PCDHA9: variants seen among roughly 807,000 people sequenced by gnomAD.
PCDHA9 encodes the protein protocadherin alpha-9.
In PCDHA9, 62 loss-of-function variants were observed where a neutral mutation model predicts 62.0. The ratio of observed to expected loss-of-function variants is 1.00; its 90% CI spans 0.81 to 1.23. The LOEUF (loss-of-function observed/expected upper bound fraction) is 1.23. PCDHA9 is among the 50% of genes most tolerant of loss of function. The probability of loss-of-function intolerance (pLI) is 0.00; values close to 1 mark genes in which losing one functional copy is unlikely to be tolerated. For synonymous variants in PCDHA9, 557 were observed against 567.6 expected, an observed-to-expected ratio of 0.98 and a Z score of 0.27; for missense variants, 1,205 against 1,249.8, an observed-to-expected ratio of 0.96 and a Z score of 0.54.
chr5:140,905,152 G>T (rs2071629879), intron 1 of PCDHA9, among the ~76,000 whole-genome samples: 1 of 152,154 alleles, frequency 6.6e-6, no homozygotes. Context: ...TTATATTTTA[G>T]AATTTTCATG....
chr5:140,903,647 T>A (rs1583499959), intron 1 of PCDHA9, among the ~76,000 whole-genome samples: 1 of 152,228 alleles, frequency 6.6e-6, no homozygotes, highest in East Asian at 1.9e-4. Flanking sequence ...ACCATATACA[T>A]ATATTATAAA....
Position 140,883,404 on chromosome 5 carries a change from C to G in PCDHA9, c.2394+32515C>G, listed in dbSNP as rs199942713. On this transcript the variant is annotated intron_variant, in intron 1 of 3. Transcript: ENST00000532602. ...CTAATCAGTGTGTCCGATCGTGACT[C>G]TGGCTCAAATGGACAGGTCACCTGC... 3 of 1,614,104 alleles carry G rather than the reference C, an allele frequency of 1.9e-6. No homozygotes were observed. The African/African-American group carries it at 4.0e-5, about 22-fold the overall frequency.
At chr5:140,927,564 G>T (rs868927450) in intron 1 of PCDHA9, 1 of 1,614,150 alleles carries the variant, frequency 6.2e-7, no homozygotes. Context: ...TCATTGTGGT[G>T]GACACAAATG....
intron 1 of PCDHA9, among the ~76,000 whole-genome samples, chr5:140,873,139 A>G (rs1325307438): frequency 6.6e-6 from 1 of 152,216 alleles, no homozygotes; most frequent in Non-Finnish European, 1.5e-5. Context: ...TCTATGCTGA[A>G]GCCTATTCAT....
chr5:140,971,123 G>A (rs1305525231), intron 1 of PCDHA9, among the ~76,000 whole-genome samples: 1 of 152,182 alleles, frequency 6.6e-6, no homozygotes, highest in Non-Finnish European at 1.5e-5. Context: ...GTGGGCTACA[G>A]GTGGTGAAGA....
chr5:140,902,203 CTTTTTTT>C (rs148688132), intron 1 of PCDHA9, among the ~76,000 whole-genome samples: 3 of 124,458 alleles, frequency 2.4e-5, no homozygotes, highest in African/African-American at 3.1e-5. Flanking sequence ...CTCTCTCTTT[CTTTTTTT>C]TTTTTTTTTT....
At chr5:140,907,480 CA>C (rs1384591200) in intron 1 of PCDHA9, among the ~76,000 whole-genome samples, 2 of 152,212 alleles carry the variant, frequency 1.3e-5, no homozygotes, top group African/African-American at 4.8e-5. Context: ...GCAGGATAGG[CA>C]AACCCATATC....
In PCDHA9 at chr5:140,848,386, TC is replaced by T; in HGVS notation, c.-109del. On this transcript the variant is annotated 5_prime_UTR_variant, in exon 1 of 4. Coordinates refer to ENST00000532602, the MANE Select transcript of PCDHA9 (RefSeq NM_031857.2). ...AAAGAGGCTCAATTCTTTTTCACTC[TC>T]TCTGTGCTGAACGATGGCGAACACA... is the stretch of plus-strand genomic sequence containing the variant. 1 of 1,217,430 alleles carries T rather than the reference TC, an allele frequency of 8.2e-7. No individual in the cohort carries two copies. Among genetic ancestry groups the T allele is most frequent in the Non-Finnish European group, 1.2e-6 (1 of 861,788 alleles). 75.4% of individuals were successfully genotyped at this position (1,217,430 alleles called of 1,614,324 possible). A position where few individuals can be genotyped will look rare whatever the true frequency, so the allele number is the denominator to read the frequency against.
At chr5:140,977,589 G>A (rs567353301) in intron 1 of PCDHA9, among the ~76,000 whole-genome samples, 15 of 152,274 alleles carry the variant, frequency 9.9e-5, no homozygotes, top group Admixed American at 2.6e-4. Flanking sequence ...AGAGCAGTTA[G>A]CATGTGAGGA....
At chr5:140,868,805 C>A in intron 1 of PCDHA9, 2 of 356,420 alleles carry the variant, frequency 5.6e-6, no homozygotes, top group Non-Finnish European at 5.0e-6. Context: ...TAAATAAGCA[C>A]GTTGGAAATA....
At chr5:140,882,129 T>C (rs2153382855) in intron 1 of PCDHA9, 5 of 1,473,110 alleles carry the variant, frequency 3.4e-6, no homozygotes, top group Non-Finnish European at 2.7e-6. Context: ...TCTTTCTTCC[T>C]GCAGAAAATA....
At chr5:140,950,872 T>C (rs782492363) in intron 1 of PCDHA9, among the ~76,000 whole-genome samples, 14 of 152,210 alleles carry the variant, frequency 9.2e-5, no homozygotes, top group Middle Eastern at 3.4e-3. Context: ...ATATTCTATA[T>C]TGTTCAATAG....
rs2150415241 is a variant in PCDHA9, at chr5:140,848,620, G to T, written c.125G>T (p.Gly42Val). ...TCCGTCCCGGAGGAAGCCGAACACG[G>T]CACCTTCGTGGGCCGCATCGCGCAG... Reference protein sequence around the residue: ...HYSVPEEAEHGTFVGRIAQDL... With the variant: ...HYSVPEEAEHVTFVGRIAQDL... Residue 42 changes from glycine (G) to valine (V), a missense_variant, in exon 1 of 4, where the codon GGC (glycine) becomes GTC (valine). By Grantham distance (109) the Gly-to-Val change is moderately radical. This residue lies in a region of PCDHA9 where 208 missense variants were observed against 213.2 expected (regional missense o/e 0.98). Transcript: ENST00000532602. The T allele has an allele frequency of 6.3e-7, 1 of 1,593,518 alleles. No homozygotes were observed. The highest frequency in any genetic ancestry group is 8.6e-7 in the Non-Finnish European group (1 of 1,163,958).
intron 1 of PCDHA9, among the ~76,000 whole-genome samples, chr5:140,938,996 A>C (rs1212565184): frequency 2.6e-5 from 4 of 152,206 alleles, no homozygotes; most frequent in Non-Finnish European, 4.4e-5. Context: ...TTATATAGTA[A>C]GTTAAGAAGT....
intron 3 of PCDHA9, among the ~76,000 whole-genome samples, chr5:140,990,384 T>A (rs2097391380): frequency 6.6e-6 from 1 of 152,186 alleles, no homozygotes; most frequent in Non-Finnish European, 1.5e-5. Context: ...TTGTTGGTGA[T>A]GTTCCAAGAA....
intron 1 of PCDHA9, among the ~76,000 whole-genome samples, chr5:140,925,768 G>A (rs1018599372): frequency 6.6e-6 from 1 of 151,870 alleles, no homozygotes; most frequent in Admixed American, 6.6e-5. Flanking sequence ...TAGTTTCCTG[G>A]TCAAACTCTA....
At chr5:140,885,179 C>T (rs972760379) in intron 1 of PCDHA9, among the ~76,000 whole-genome samples, 37 of 152,232 alleles carry the variant, frequency 2.4e-4, no homozygotes, top group African/African-American at 8.9e-4. Flanking sequence ...CCTCTAGGCA[C>T]ATCAGTGTTC....
At chr5:140,882,016 A>T in intron 1 of PCDHA9, 1 of 543,846 alleles carries the variant, frequency 1.8e-6, no homozygotes, top group Non-Finnish European at 3.0e-6. Context: ...AAAAAATACT[A>T]CATCAATGGA....
chr5:140,971,165 G>C (rs1390176241), intron 1 of PCDHA9, among the ~76,000 whole-genome samples: 1 of 152,136 alleles, frequency 6.6e-6, no homozygotes, highest in Non-Finnish European at 1.5e-5. Context: ...GCTCAGCTTT[G>C]CCACCAGCTG....
Sources: gnomAD v4.1 joint callset for allele counts (sites outside exome capture counted in the v4.1 genomes callset) on GRCh38, gnomAD v4.1.1 for gene constraint, gnomAD v4.1.1 regional missense constraint, MANE v1.5 for transcripts, NCBI Gene and HGNC (gene_info 2026-07-23, HGNC 2026-07-21) for gene names.